GPATCH2: variants seen among roughly 807,000 people sequenced by gnomAD.
GPATCH2 encodes G-patch domain containing 2.
A neutral mutation model predicts 58.0 loss-of-function variants in GPATCH2; 51 were observed. The ratio of observed to expected loss-of-function variants is 0.88; its 90% CI spans 0.70 to 1.11. The LOEUF (loss-of-function observed/expected upper bound fraction) is 1.11. Ranked by LOEUF, GPATCH2 falls within the 50% of genes most tolerant of loss-of-function variation. The pLI, the probability that GPATCH2 is intolerant of heterozygous loss-of-function variation, is 0.00. For missense variants in GPATCH2, 625 were observed against 652.2 expected (o/e 0.96, Z 0.45); for synonymous variants, 222 against 218.5 (o/e 1.02, Z -0.14).
chr1:217,466,664 G>A (rs1660466049), intron 8 of GPATCH2, among the ~76,000 whole-genome samples: 1 of 152,028 alleles, frequency 6.6e-6, no homozygotes, highest in Non-Finnish European at 1.5e-5. Context: ...AGCAGCAAGG[G>A]GCCTCAAAAA....
rs61132882 is a variant in GPATCH2 at position 217,620,597 on chromosome 1, T to TAAC, written c.57-99_57-98insGTT. 1.8e-5 allele frequency: 12 copies of TAAC among 653,570 alleles called. No homozygotes were observed. In the African/African-American group the frequency reaches 2.9e-4, roughly 16 times the overall value. The allele number at this position is 653,570 out of a possible 1,614,324, so 40.5% of individuals were successfully genotyped here. On this transcript the variant is annotated intron_variant, in intron 1 of 9. Transcript: ENST00000366935. ...AATTCATTCTAAATTCGACAAAAAT[T>TAAC]AATGATTACAAAATGTTTCAAAGCT...
chr1:217,544,441 C>T (rs1390503625), intron 5 of GPATCH2, among the ~76,000 whole-genome samples: 1 of 152,112 alleles, frequency 6.6e-6, no homozygotes, highest in Non-Finnish European at 1.5e-5. Context: ...CGTCCACTAT[C>T]CTTTCCAACC....
At chr1:217,509,159 G>C (rs1662713517) in intron 6 of GPATCH2, among the ~76,000 whole-genome samples, 1 of 152,058 alleles carries the variant, frequency 6.6e-6, no homozygotes, top group Non-Finnish European at 1.5e-5. Flanking sequence ...AGGTAACATG[G>C]TGAAACCTCA....
chr1:217,488,338 G>T (rs1037203238), intron 8 of GPATCH2, among the ~76,000 whole-genome samples: 1 of 152,162 alleles, frequency 6.6e-6, no homozygotes, highest in Non-Finnish European at 1.5e-5. Flanking sequence ...AATAATAGCA[G>T]TGTTATGATG....
At chr1:217,595,480 G>T (rs1667777404) in intron 5 of GPATCH2, among the ~76,000 whole-genome samples, 1 of 151,804 alleles carries the variant, frequency 6.6e-6, no homozygotes, top group Non-Finnish European at 1.5e-5. Context: ...GGAGTTCAGA[G>T]ATCTAACTGT....
intron 5 of GPATCH2, among the ~76,000 whole-genome samples, chr1:217,527,323 TCAC>T (rs1663958674): frequency 6.6e-6 from 1 of 152,124 alleles, no homozygotes; most frequent in South Asian, 2.1e-4. Context: ...CAGAGATAAC[TCAC>T]TTCCTGTGAG....
chr1:217,466,778 T>G (rs1344467184), intron 8 of GPATCH2, among the ~76,000 whole-genome samples: 1 of 151,658 alleles, frequency 6.6e-6, no homozygotes, highest in South Asian at 2.1e-4. Flanking sequence ...AGACTGAGAA[T>G]GAGGGCAAGA....
At chr1:217,538,991 C>A (rs757359674) in intron 5 of GPATCH2, among the ~76,000 whole-genome samples, 34 of 152,086 alleles carry the variant, frequency 2.2e-4, no homozygotes, top group South Asian at 1.2e-3. Flanking sequence ...AAAGGTGTAT[C>A]AATGTGGACA....
intron 5 of GPATCH2, among the ~76,000 whole-genome samples, chr1:217,519,170 G>T (rs144263789): frequency 6.6e-6 from 1 of 152,042 alleles, no homozygotes; most frequent in Non-Finnish European, 1.5e-5. Context: ...AAGATTCTTC[G>T]AAAGCATTTC....
chr1:217,478,844 G>A (rs891492985), intron 8 of GPATCH2, among the ~76,000 whole-genome samples: 1 of 151,930 alleles, frequency 6.6e-6, no homozygotes, highest in Non-Finnish European at 1.5e-5. Context: ...AACTCCCAAA[G>A]GTGAACAATA....
At chr1:217,542,972 A>C (rs68100844) in intron 5 of GPATCH2, among the ~76,000 whole-genome samples, 10,415 of 152,226 alleles carry the variant, frequency 0.068, 390 homozygotes, top group Middle Eastern at 0.095. Flanking sequence ...CCCTGAGCTT[A>C]AGATGCTGGT....
intron 5 of GPATCH2, among the ~76,000 whole-genome samples, chr1:217,541,515 ACAAGTAGAGTCT>A (rs1252668363): frequency 1.3e-5 from 2 of 152,164 alleles, no homozygotes; most frequent in Admixed American, 1.3e-4. Context: ...TAGGGGTCTG[ACAAGTAGAGTCT>A]CAAAGCCCGA....
rs1180546419 is a variant in GPATCH2 at position 217,524,852 on chromosome 1, AG to A, written c.1099-9964del. On this transcript the variant is annotated intron_variant, in intron 5 of 9. Coordinates refer to ENST00000366935, the MANE Select transcript of GPATCH2 (RefSeq NM_018040.5). Reference sequence around the variant, plus strand: ...GCTTGGCATCAGAGGGAGACCGGGGAGAGGGGAGAGGGGAGAGGGGAGAGGG... The same window carrying A: ...GCTTGGCATCAGAGGGAGACCGGGGAAGGGGAGAGGGGAGAGGGGAGAGGG... Among the ~76,000 whole-genome samples, 9 of 4,292 alleles carry A rather than the reference AG, an allele frequency of 2.1e-3. 2 individuals carry two copies. The highest frequency in any genetic ancestry group is 0.077 in the East Asian group (2 of 26). 2.8% of individuals were successfully genotyped at this position (4,292 alleles called of 152,430 possible).
At chr1:217,486,931 A>G (rs2102526172) in intron 8 of GPATCH2, among the ~76,000 whole-genome samples, 1 of 152,370 alleles carries the variant, frequency 6.6e-6, no homozygotes, top group African/African-American at 2.4e-5. Flanking sequence ...AAGCTCCTCA[A>G]AAACAGCACT....
intron 5 of GPATCH2, among the ~76,000 whole-genome samples, chr1:217,602,164 C>G (rs368379332): frequency 2.0e-5 from 3 of 152,136 alleles, no homozygotes; most frequent in African/African-American, 7.2e-5. Context: ...TTCTTAACCC[C>G]TTGGAGATTA....
chr1:217,516,495 T>A (rs1159348308), intron 5 of GPATCH2, among the ~76,000 whole-genome samples: 2 of 152,188 alleles, frequency 1.3e-5, no homozygotes, highest in Non-Finnish European at 2.9e-5. Context: ...CAGGACTGCA[T>A]CCTGCATTCA....
At chr1:217,486,352 A>G (rs544199681) in intron 8 of GPATCH2, among the ~76,000 whole-genome samples, 5 of 152,228 alleles carry the variant, frequency 3.3e-5, no homozygotes, top group Admixed American at 2.0e-4. Flanking sequence ...CTGTAATCCA[A>G]TCGATTGTTT....
chr1:217,565,093 G>A (rs953684793), intron 5 of GPATCH2, among the ~76,000 whole-genome samples: 5 of 152,220 alleles, frequency 3.3e-5, no homozygotes, highest in East Asian at 1.9e-4. Context: ...AACTCTAAAA[G>A]GTAATGCTAA....
chr1:217,608,628 A>T, intron 5 of GPATCH2: 1 of 985,010 alleles, frequency 1.0e-6, no homozygotes, highest in Non-Finnish European at 1.2e-6. Context: ...CAAGAACTAG[A>T]TAGCATTCAT....
Sources: gnomAD v4.1 joint callset for allele counts (sites outside exome capture counted in the v4.1 genomes callset) on GRCh38, gnomAD v4.1.1 for gene constraint, MANE v1.5 for transcripts, NCBI Gene and HGNC (gene_info 2026-07-23, HGNC 2026-07-21) for gene names.